SNTG1: variants seen among roughly 807,000 people sequenced by gnomAD.
SNTG1 encodes gamma-1-syntrophin.
A neutral mutation model predicts 74.7 loss-of-function variants in SNTG1; 39 were observed. The ratio of observed to expected loss-of-function variants is 0.52; its 90% CI spans 0.40 to 0.68. The LOEUF is 0.68. Ranked by LOEUF, SNTG1 falls within the 30% of genes least tolerant of loss-of-function variation. The probability of loss-of-function intolerance (pLI) is 0.00; values close to 1 mark genes in which losing one functional copy is unlikely to be tolerated. For synonymous variants in SNTG1, 254 were observed against 217.1 expected (o/e 1.17, Z -1.49); for missense variants, 685 against 609.5 (o/e 1.12, Z -1.30).
rs568327556 is a variant in SNTG1 at position 50,462,187 on chromosome 8, T to A, written c.363+11458T>A. Among the ~76,000 whole-genome samples, 4 of 136,576 alleles carry A rather than the reference T, an allele frequency of 2.9e-5. No individual in the cohort carries two copies. In the East Asian group the frequency reaches 9.1e-4, roughly 31 times the overall value. The allele number at this position is 136,576 out of a possible 152,430, so 89.6% of individuals were successfully genotyped here. A position where few individuals can be genotyped will look rare whatever the true frequency, so the allele number is the denominator to read the frequency against. On this transcript the variant is annotated intron_variant, in intron 8 of 18. Transcript: ENST00000642720. ...AAAGATAAAAAAGAGAATATCACAC[T>A]AAAGTGAGTCTTGTAAATTTTGGTT...
chr8:50,433,502 T>G (rs943616578), intron 4 of SNTG1, among the ~76,000 whole-genome samples: 2 of 146,042 alleles, frequency 1.4e-5, no homozygotes, highest in Non-Finnish European at 3.0e-5. Flanking sequence ...TTCATTCTAA[T>G]TCTTCATTTT....
At chr8:50,236,374 G>GAA (rs1204944059) in intron 2 of SNTG1, among the ~76,000 whole-genome samples, 1 of 151,740 alleles carries the variant, frequency 6.6e-6, no homozygotes, top group African/African-American at 2.4e-5. Flanking sequence ...TATGATTCCG[G>GAA]TGCATCATTT....
chr8:50,079,279 C>T (rs1018331098), intron 1 of SNTG1, among the ~76,000 whole-genome samples: 3 of 152,060 alleles, frequency 2.0e-5, no homozygotes, highest in South Asian at 2.1e-4. Context: ...TATCTCATTG[C>T]GGTCTTGATT....
intron 8 of SNTG1, among the ~76,000 whole-genome samples, chr8:50,488,193 T>A (rs2093816134): frequency 6.6e-6 from 1 of 151,972 alleles, no homozygotes; most frequent in South Asian, 2.1e-4. Context: ...ATGATGATCA[T>A]CCTGAAATTG....
In SNTG1 at chr8:50,796,203, A is replaced by G. The variant is rs1336398797; in HGVS notation, c.*3374A>G. The G allele has an allele frequency of 1.3e-5, 2 of 152,108 alleles. No homozygotes were observed. The highest frequency in any genetic ancestry group is 6.6e-5 in the Admixed American group (1 of 15,248). 9.4% of individuals were successfully genotyped at this position (152,108 alleles called of 1,614,324 possible). On this transcript the variant is annotated 3_prime_UTR_variant, in exon 19 of 19. Transcript: ENST00000642720. The stretch of plus-strand genomic sequence containing the variant: ...CGATAATTTAGAATTACTGCTAGAA[A>G]TCAGCAGTGTGGAGAAGCTTTAAAA...
intron 2 of SNTG1, among the ~76,000 whole-genome samples, chr8:50,276,364 A>C: frequency 7.3e-6 from 1 of 137,738 alleles, no homozygotes; most frequent in East Asian, 2.0e-4. Flanking sequence ...ATATATGTGC[A>C]AGTAAATTTT....
In SNTG1 at chr8:50,752,204, A is replaced by C. The variant is rs527911253; in HGVS notation, c.1395+93A>C. On this transcript the variant is annotated intron_variant, in intron 18 of 18. Transcript: ENST00000642720. The stretch of plus-strand genomic sequence containing the variant: ...AAACTTTCGGGGAATCACAAGACCA[A>C]AAACACACATTCTCTGCTCATCTTG... 3 of 569,080 alleles carry C rather than the reference A, an allele frequency of 5.3e-6. No homozygotes were observed. The South Asian group carries it at 1.3e-4, about 25-fold the overall frequency. 35.3% of individuals were successfully genotyped at this position (569,080 alleles called of 1,614,324 possible).
chr8:50,114,257 C>T (rs1049417489), intron 1 of SNTG1, among the ~76,000 whole-genome samples: 1 of 152,026 alleles, frequency 6.6e-6, no homozygotes, highest in East Asian at 1.9e-4. Flanking sequence ...AAAATAAATA[C>T]TTAAAACCAG....
chr8:50,436,637 T>A (rs1418097784), intron 4 of SNTG1, among the ~76,000 whole-genome samples: 4 of 152,184 alleles, frequency 2.6e-5, no homozygotes, highest in African/African-American at 7.2e-5. Context: ...CTGTAGCTAT[T>A]AGCATCATTG....
intron 8 of SNTG1, among the ~76,000 whole-genome samples, chr8:50,472,861 G>A (rs2093664094): frequency 6.6e-6 from 1 of 151,952 alleles, no homozygotes; most frequent in Non-Finnish European, 1.5e-5. Context: ...ATTAAAAACT[G>A]TCTAAAAGAC....
At chr8:50,041,543 A>T (rs1818640295) in intron 1 of SNTG1, among the ~76,000 whole-genome samples, 1 of 152,198 alleles carries the variant, frequency 6.6e-6, no homozygotes, top group Non-Finnish European at 1.5e-5. Flanking sequence ...AGCTCAGTAG[A>T]ACTTACGATT....
chr8:50,122,149 C>T (rs1236014029), intron 1 of SNTG1, among the ~76,000 whole-genome samples: 1 of 141,504 alleles, frequency 7.1e-6, no homozygotes, highest in African/African-American at 2.6e-5. Context: ...GTAAGTTGTG[C>T]CCATGGTTGT....
intron 1 of SNTG1, among the ~76,000 whole-genome samples, chr8:50,089,278 C>T (rs992599441): frequency 0.015 from 2,232 of 152,078 alleles, 54 homozygotes; most frequent in African/African-American, 0.047. Flanking sequence ...AAGATTTAAA[C>T]GTTAGACCTA....
intron 13 of SNTG1, among the ~76,000 whole-genome samples, chr8:50,602,071 T>A (rs1378168906): frequency 6.6e-6 from 1 of 152,104 alleles, no homozygotes; most frequent in African/African-American, 2.4e-5. Context: ...TAATCCATTC[T>A]GCCACTCTAT....
intron 1 of SNTG1, among the ~76,000 whole-genome samples, chr8:50,142,168 C>T (rs986553933): frequency 6.6e-6 from 1 of 151,996 alleles, no homozygotes; most frequent in African/African-American, 2.4e-5. Flanking sequence ...GTTATCTAAA[C>T]ATTTTTAAAG....
At chr8:50,060,888 A>G (rs973431491) in intron 1 of SNTG1, among the ~76,000 whole-genome samples, 1 of 152,136 alleles carries the variant, frequency 6.6e-6, no homozygotes, top group African/African-American at 2.4e-5. Context: ...TCAAACCAGC[A>G]ATCCCTGGAA....
At chr8:50,110,139 C>A (rs143056109) in intron 1 of SNTG1, among the ~76,000 whole-genome samples, 123 of 152,280 alleles carry the variant, frequency 8.1e-4, no homozygotes, top group African/African-American at 2.8e-3. Flanking sequence ...TTAGGGATTT[C>A]TCCTCTGCCC....
intron 12 of SNTG1, among the ~76,000 whole-genome samples, chr8:50,563,179 G>A (rs1245471630): frequency 6.6e-6 from 1 of 152,140 alleles, no homozygotes; most frequent in Admixed American, 6.5e-5. Context: ...CCTAGTGCTG[G>A]CTGGCTCAGA....
At chr8:50,129,090 T>A (rs1406175265) in intron 1 of SNTG1, among the ~76,000 whole-genome samples, 1 of 152,138 alleles carries the variant, frequency 6.6e-6, no homozygotes, top group African/African-American at 2.4e-5. Context: ...ATATCTTAAC[T>A]GATAGCATTA....
Sources: allele counts gnomAD v4.1 joint callset (sites outside exome capture counted in the v4.1 genomes callset), GRCh38; gene constraint gnomAD v4.1.1; transcripts MANE v1.5; gene names NCBI Gene and HGNC (gene_info 2026-07-23, HGNC 2026-07-21).